CSMD1: variants seen among roughly 807,000 people sequenced by gnomAD.
CSMD1 encodes the protein CUB and sushi domain-containing protein 1.
In CSMD1, 213 loss-of-function variants were observed where a neutral mutation model predicts 417.5. The ratio of observed to expected loss-of-function variants is 0.51; its 90% CI spans 0.46 to 0.57. The LOEUF (loss-of-function observed/expected upper bound fraction) is 0.57, where lower values mean the gene tolerates loss of function less well. CSMD1 is among the 20% of genes least tolerant of loss of function. CSMD1 has a pLI of 0.00. For missense variants in CSMD1, 6,923 were observed against 4,529.7 expected (o/e 1.53, Z -15.17); for synonymous variants, 2,862 against 1,736.8 (o/e 1.65, Z -16.11).
chr8:4,162,096 C>T (rs988268032), intron 3 of CSMD1, among the ~76,000 whole-genome samples: 4 of 152,306 alleles, frequency 2.6e-5, no homozygotes, highest in African/African-American at 9.6e-5. Flanking sequence ...AACATTTAAA[C>T]ACTGAAGCAA....
intron 1 of CSMD1, among the ~76,000 whole-genome samples, chr8:4,817,881 G>A (rs547726689): frequency 1.3e-5 from 2 of 152,238 alleles, no homozygotes; most frequent in East Asian, 3.9e-4. Context: ...TAGAGTTTCA[G>A]CAAAGAACAT....
chr8:4,170,812 C>A (rs973354909), intron 3 of CSMD1, among the ~76,000 whole-genome samples: 3 of 151,660 alleles, frequency 2.0e-5, no homozygotes, highest in African/African-American at 7.3e-5. Flanking sequence ...CCTATGTATT[C>A]ATCATGATCT....
At chr8:4,165,293 A>G (rs373539771) in intron 3 of CSMD1, among the ~76,000 whole-genome samples, 2 of 152,344 alleles carry the variant, frequency 1.3e-5, no homozygotes, top group African/African-American at 4.8e-5. Context: ...CCACTCGGTT[A>G]AGTTCTGTGT....
chr8:3,199,862 G>A (rs373815807), intron 32 of CSMD1, 53 bp from the exon 33 acceptor site: 77 of 1,091,374 alleles, frequency 7.1e-5, no homozygotes, highest in African/African-American at 1.3e-4. Flanking sequence ...CGTGGGGGAC[G>A]GTAGTATTTT....
intron 1 of CSMD1, among the ~76,000 whole-genome samples, chr8:4,911,616 T>G (rs77441579): frequency 0.019 from 2,853 of 152,324 alleles, 80 homozygotes; most frequent in African/African-American, 0.064. Flanking sequence ...AGCGTTTAAC[T>G]TCCTGTGAGG....
intron 1 of CSMD1, among the ~76,000 whole-genome samples, chr8:4,914,448 G>C (rs1002120624): frequency 2.0e-5 from 3 of 151,820 alleles, no homozygotes; most frequent in Non-Finnish European, 4.4e-5. Flanking sequence ...TGAGGTGGCG[G>C]GCCCCTGTAG....
chr8:4,529,775 G>C (rs1354825554), intron 2 of CSMD1, among the ~76,000 whole-genome samples: 1 of 151,512 alleles, frequency 6.6e-6, no homozygotes, highest in Non-Finnish European at 1.5e-5. Flanking sequence ...AAAAGTTTCA[G>C]AACTGCTGCC....
intron 1 of CSMD1, among the ~76,000 whole-genome samples, chr8:4,969,465 T>C (rs1177918412): frequency 6.6e-6 from 1 of 151,582 alleles, no homozygotes; most frequent in Non-Finnish European, 1.5e-5. Flanking sequence ...TTTCTATTCA[T>C]ATTCATTCAT....
In CSMD1 at chr8:3,885,278, G is replaced by C. The variant is rs997788773; in HGVS notation, c.818+112625C>G. Among the ~76,000 whole-genome samples, 16 of 152,196 alleles carry C rather than the reference G, an allele frequency of 1.1e-4. 1 individual carries two copies. The South Asian group carries it at 1.2e-3, about 12-fold the overall frequency. On this transcript the variant is annotated intron_variant, in intron 5 of 69. Coordinates refer to ENST00000635120, the MANE Select transcript of CSMD1 (RefSeq NM_033225.6). ...AAAGCCTCTAGCATCAGACAGGTGTGAGTTATAGAATCAATCTGACCTTTT... is the reference window on the plus strand; with the variant it reads ...AAAGCCTCTAGCATCAGACAGGTGTCAGTTATAGAATCAATCTGACCTTTT...
chr8:3,904,945 C>A (rs572481739), intron 5 of CSMD1, among the ~76,000 whole-genome samples: 9 of 152,070 alleles, frequency 5.9e-5, no homozygotes, highest in African/African-American at 2.2e-4. Flanking sequence ...CCCCAAAATA[C>A]GTATTTTCCT....
intron 8 of CSMD1, among the ~76,000 whole-genome samples, chr8:3,603,645 T>A (rs1397031902): frequency 6.6e-6 from 1 of 152,214 alleles, no homozygotes; most frequent in Non-Finnish European, 1.5e-5. Flanking sequence ...AAAGGGGATT[T>A]TTTTCCAACA....
chr8:3,255,529 C>G (rs1800586855), intron 26 of CSMD1, among the ~76,000 whole-genome samples: 1 of 152,228 alleles, frequency 6.6e-6, no homozygotes, highest in Non-Finnish European at 1.5e-5. Context: ...GTTCGAGCTT[C>G]CCACCTGCTT....
chr8:3,261,699 C>T (rs1210781240), intron 26 of CSMD1, among the ~76,000 whole-genome samples: 4 of 152,014 alleles, frequency 2.6e-5, no homozygotes, highest in South Asian at 4.1e-4. Flanking sequence ...TGCAACAAGC[C>T]GGCCCCATCA....
At chr8:3,439,153 C>CAAAAAAAAAAAAAAAAAAAAAAAAAAAAA (rs1563390140) in intron 12 of CSMD1, among the ~76,000 whole-genome samples, 1 of 39,894 alleles carries the variant, frequency 2.5e-5, no homozygotes, top group East Asian at 9.7e-4. Context: ...AAAAAAAAAA[C>CAAAAAAAAAAAAAAAAAAAAAAAAAAAAA]CAAGAAAAAA....
rs538619339 is a variant in CSMD1 at position 3,874,651 on chromosome 8, C to G, written c.819-120609G>C. ...TATGTTTTTTGGTTTCCAAAAGAAG[C>G]TGCCATGTTTTTCTCTGTGGATGAT... On this transcript the variant is annotated intron_variant, in intron 5 of 69. Coordinates refer to ENST00000635120, the MANE Select transcript of CSMD1 (RefSeq NM_033225.6). Among the ~76,000 whole-genome samples, 6 of 152,218 alleles carry G rather than the reference C, an allele frequency of 3.9e-5. No homozygotes were observed. In the East Asian group the frequency reaches 1.2e-3, roughly 29 times the overall value.
chr8:3,357,064 G>A (rs192943126), intron 21 of CSMD1, among the ~76,000 whole-genome samples: 1 of 152,234 alleles, frequency 6.6e-6, no homozygotes, highest in Non-Finnish European at 1.5e-5. Context: ...GGGTGGGGAG[G>A]AGGAGCCTGA....
At chr8:3,912,813 G>A (rs891544188) in intron 5 of CSMD1, among the ~76,000 whole-genome samples, 1 of 152,202 alleles carries the variant, frequency 6.6e-6, no homozygotes, top group East Asian at 1.9e-4. Context: ...AAACATGGTA[G>A]GATTTTATGA....
At chr8:3,531,706 C>G (rs1225341764) in intron 10 of CSMD1, among the ~76,000 whole-genome samples, 1 of 152,156 alleles carries the variant, frequency 6.6e-6, no homozygotes, top group African/African-American at 2.4e-5. Context: ...AGCAGAACTT[C>G]CCTTGTAACA....
chr8:3,207,845 G>A (rs1367629600), intron 30 of CSMD1, among the ~76,000 whole-genome samples: 1 of 152,024 alleles, frequency 6.6e-6, no homozygotes, highest in African/African-American at 2.4e-5. Flanking sequence ...CTTCTATTTA[G>A]GTTTTTATGA....
Sources: gnomAD v4.1 joint callset for allele counts (sites outside exome capture counted in the v4.1 genomes callset) on GRCh38, gnomAD v4.1.1 for gene constraint, MANE v1.5 for transcripts, NCBI Gene and HGNC (gene_info 2026-07-23, HGNC 2026-07-21) for gene names.